The following FAM219A variants were observed in gnomAD, a reference collection of about 807,000 sequenced individuals.
The protein encoded by FAM219A is protein FAM219A.
FAM219A carries 7 observed loss-of-function variants against 23.4 expected under a neutral mutation model. The ratio of observed to expected loss-of-function variants is 0.30; its 90% CI spans 0.17 to 0.56. FAM219A has a LOEUF of 0.56. FAM219A is among the 20% of genes least tolerant of loss of function. The pLI, the probability that FAM219A is intolerant of heterozygous loss-of-function variation, is 0.92. For missense variants in FAM219A, 166 were observed against 246.9 expected (o/e 0.67, Z 2.20); for synonymous variants, 93 against 99.0 (o/e 0.94, Z 0.36).
At chr9:34,401,524 C>T (rs1240170124) in intron 5 of FAM219A, 142 bp downstream of exon 5, 3 of 927,022 alleles carry the variant, frequency 3.2e-6, no homozygotes, top group African/African-American at 1.7e-5. Context: ...TCCATCCTAT[C>T]CCAGGCCCAC....
intron 1 of FAM219A, among the ~76,000 whole-genome samples, chr9:34,428,996 A>T (rs1038869107): frequency 6.6e-6 from 1 of 152,178 alleles, no homozygotes; most frequent in Admixed American, 6.5e-5. Flanking sequence ...CAACGGCCCC[A>T]TCTCCAGGAG....
intron 1 of FAM219A, among the ~76,000 whole-genome samples, chr9:34,416,667 G>A: frequency 6.6e-6 from 1 of 151,874 alleles, no homozygotes; most frequent in East Asian, 1.9e-4. Context: ...GAACCTGGGA[G>A]GTAGAGGTTG....
At position 34,423,741 on chromosome 9, in the gene FAM219A, T is replaced by C. The variant is rs55976411; in HGVS notation, c.61-17777A>G. Reference sequence around the variant, plus strand: ...GGTCATTGCAGTAGGTGACAAAGCTTGAAAAAGTCAGTGTCAGTGGGGTTG... The same window carrying C: ...GGTCATTGCAGTAGGTGACAAAGCTCGAAAAAGTCAGTGTCAGTGGGGTTG... On this transcript the variant is annotated intron_variant, in intron 1 of 5. Transcript: ENST00000651358. 9.7e-3 allele frequency among the ~76,000 whole-genome samples: 1,472 copies of C among 152,138 alleles called. 10 individuals carry two copies. The highest frequency in any genetic ancestry group is 0.024 in the Middle Eastern group (7 of 294).
chr9:34,434,071 G>A (rs1360812372), intron 1 of FAM219A, among the ~76,000 whole-genome samples: 3 of 151,882 alleles, frequency 2.0e-5, no homozygotes, highest in Non-Finnish European at 4.4e-5. Flanking sequence ...GTGTGGTGGC[G>A]GGCGTCTGTA....
At chr9:34,402,001 A>C (rs1821457563) in intron 4 of FAM219A, among the ~76,000 whole-genome samples, 1 of 146,054 alleles carries the variant, frequency 6.8e-6, no homozygotes. Flanking sequence ...GACTCAAATC[A>C]CCCTGACTTG....
intron 1 of FAM219A, among the ~76,000 whole-genome samples, chr9:34,456,843 A>T (rs1823748717): frequency 6.6e-6 from 1 of 152,164 alleles, no homozygotes; most frequent in Admixed American, 6.5e-5. Flanking sequence ...AGGGGGAAAA[A>T]GCCTTTGTCT....
At chr9:34,430,204 C>T (rs78867487) in intron 1 of FAM219A, among the ~76,000 whole-genome samples, 3,168 of 152,064 alleles carry the variant, frequency 0.021, 92 homozygotes, top group East Asian at 0.12. Context: ...CCTTTCACAG[C>T]GAAAGACATG....
At chr9:34,430,704 C>T (rs1056898811) in intron 1 of FAM219A, among the ~76,000 whole-genome samples, 1 of 149,938 alleles carries the variant, frequency 6.7e-6, no homozygotes, top group African/African-American at 2.5e-5. Context: ...TAGCTGGGCA[C>T]GGTGGTACAT....
At chr9:34,430,426 A>G (rs1822647218) in intron 1 of FAM219A, among the ~76,000 whole-genome samples, 1 of 151,228 alleles carries the variant, frequency 6.6e-6, no homozygotes, top group Non-Finnish European at 1.5e-5. Context: ...TCACAAGGTC[A>G]GGAGACCGAG....
At chr9:34,424,443 T>TGGGCAAGGGGTGGGCTGA (rs150218131) in intron 1 of FAM219A, among the ~76,000 whole-genome samples, 19,541 of 150,842 alleles carry the variant, frequency 0.13, 1,603 homozygotes, top group East Asian at 0.28. Context: ...TTAGGAAGTG[T>TGGGCAAGGGGTGGGCTGA]GGGCAAGGGG....
chr9:34,439,099 G>A (rs1466587368), intron 1 of FAM219A, among the ~76,000 whole-genome samples: 1 of 152,144 alleles, frequency 6.6e-6, no homozygotes, highest in Non-Finnish European at 1.5e-5. Flanking sequence ...TCCTGAGCCA[G>A]CGAGACCACG....
rs929233872 is a variant in FAM219A at position 34,418,538 on chromosome 9, G to A, written c.61-12574C>T. On this transcript the variant is annotated intron_variant, in intron 1 of 5. Coordinates refer to ENST00000651358, the MANE Select transcript of FAM219A (RefSeq NM_001184940.2). ...GGAGAAGGCTTACTTCCTTCTGGGA[G>A]GACTGGCTTGGCCTACTCCTGGCCC... Among the ~76,000 whole-genome samples, 8 of 152,194 alleles carry A rather than the reference G, an allele frequency of 5.3e-5. No individual in the cohort carries two copies. In the East Asian group the frequency reaches 5.8e-4, roughly 11 times the overall value.
At chr9:34,433,212 T>C (rs1822779172) in intron 1 of FAM219A, among the ~76,000 whole-genome samples, 1 of 152,234 alleles carries the variant, frequency 6.6e-6, no homozygotes, top group Admixed American at 6.5e-5. Flanking sequence ...CATATTTGTT[T>C]TGTTGCTCAA....
At chr9:34,449,174 AAAAAAAC>A (rs2132016485) in intron 1 of FAM219A, among the ~76,000 whole-genome samples, 1 of 152,130 alleles carries the variant, frequency 6.6e-6, no homozygotes, top group African/African-American at 2.4e-5. Context: ...TCTCTACCAG[AAAAAAAC>A]AAAAATTAGC....
At chr9:34,438,288 C>T (rs912244226) in intron 1 of FAM219A, among the ~76,000 whole-genome samples, 6 of 152,206 alleles carry the variant, frequency 3.9e-5, no homozygotes, top group African/African-American at 1.2e-4. Context: ...CCCTGCTCCA[C>T]GGCGCCCAGT....
intron 1 of FAM219A, among the ~76,000 whole-genome samples, chr9:34,454,165 C>T (rs569751495): frequency 1.3e-5 from 2 of 152,318 alleles, no homozygotes; most frequent in Admixed American, 6.5e-5. Flanking sequence ...AGGCCAAGTG[C>T]GGTGGCTCAC....
At chr9:34,408,206 T>G (rs946847) in intron 1 of FAM219A, among the ~76,000 whole-genome samples, 122,938 of 152,244 alleles carry the variant, frequency 0.81, 49,818 homozygotes, top group Non-Finnish European at 0.84. Flanking sequence ...TTCCCATGCT[T>G]CAAGTCCTTC....
At chr9:34,446,979 T>C (rs75266595) in intron 1 of FAM219A, among the ~76,000 whole-genome samples, 3,172 of 152,316 alleles carry the variant, frequency 0.021, 92 homozygotes, top group East Asian at 0.12. Context: ...AGTGGACTTA[T>C]ATTAAGCTTT....
At chr9:34,438,484 C>G (rs1288766645) in intron 1 of FAM219A, among the ~76,000 whole-genome samples, 1 of 152,158 alleles carries the variant, frequency 6.6e-6, no homozygotes, top group East Asian at 1.9e-4. Context: ...CACCCTGTGT[C>G]TAGCTCAGGG....
Sources: gnomAD v4.1 joint callset for allele counts (sites outside exome capture counted in the v4.1 genomes callset) on GRCh38, gnomAD v4.1.1 for gene constraint, MANE v1.5 for transcripts, NCBI Gene and HGNC (gene_info 2026-07-23, HGNC 2026-07-21) for gene names.